The following ANKRD30A variants were observed in gnomAD, a reference collection of about 807,000 sequenced individuals.
ANKRD30A encodes the protein ankyrin repeat domain-containing protein 30A.
In ANKRD30A, 170 loss-of-function variants were observed where a neutral mutation model predicts 166.3. The observed-to-expected ratio is 1.02, with a 90% CI of 0.90 to 1.16. The LOEUF (loss-of-function observed/expected upper bound fraction) is 1.16. Among genes scored for constraint, ANKRD30A ranks in the 50% most tolerant of loss-of-function variants. ANKRD30A has a pLI of 0.00. For synonymous variants in ANKRD30A, 564 were observed against 508.9 expected (o/e 1.11, Z -1.46); for missense variants, 1,630 against 1,518.0 (o/e 1.07, Z -1.23).
chr10:37,219,604 G>A lies in ANKRD30A; in HGVS notation c.3892G>A (p.Ala1298Thr), dbSNP rs374582792. 1 of 1,610,240 alleles carries A rather than the reference G, an allele frequency of 6.2e-7. No homozygotes were observed. ...TGAAACACAGTGTCAAATGAAGGAA[G>A]CTGAACACATGTATCAAAACGAACA... is the stretch of plus-strand genomic sequence containing the variant. ...QRETQCQMKE[A>T]EHMYQNEQDN... Residue 1298 changes from alanine to threonine, a missense_variant, in exon 34 of 36, where the codon GCT (alanine) becomes ACT (threonine). Physicochemically the swap from Ala to Thr is moderately conservative, Grantham distance 58. Coordinates refer to ENST00000361713, the MANE Select transcript of ANKRD30A (RefSeq NM_052997.3).
intron 9 of ANKRD30A, among the ~76,000 whole-genome samples, chr10:37,149,003 C>T (rs1017174989): frequency 3.9e-5 from 6 of 151,942 alleles, no homozygotes; most frequent in Non-Finnish European, 7.4e-5. Flanking sequence ...TTTTTATATA[C>T]ATATGTCAAT....
At chr10:37,246,094 C>T in the ANKRD30A span, among the ~76,000 whole-genome samples, 1 of 152,168 alleles carries the variant, frequency 6.6e-6, no homozygotes, top group East Asian at 1.9e-4. Context: ...AAGTCATATT[C>T]AGGGAAAGAG....
chr10:37,127,046 CAAAAAAAAAAAAAAAAAAAAAAAA>C (rs71007622), intron 1 of ANKRD30A, among the ~76,000 whole-genome samples: 6 of 16,504 alleles, frequency 3.6e-4, no homozygotes, highest in Admixed American at 1.3e-3. Context: ...AACTCTGTCT[CAAAAAAAAAAAAAAAAAAAAAAAA>C]AAAAAAAAAA....
the ANKRD30A span, among the ~76,000 whole-genome samples, chr10:37,259,649 C>T: frequency 6.6e-6 from 1 of 152,154 alleles, no homozygotes. Context: ...CAATAAAATA[C>T]TATAGAGCAA....
At chr10:37,212,863 C>T (rs1842411024) in intron 31 of ANKRD30A, among the ~76,000 whole-genome samples, 1 of 151,654 alleles carries the variant, frequency 6.6e-6, no homozygotes, top group African/African-American at 2.4e-5. Context: ...TGTCAAAGAT[C>T]AGATGGTAAT....
Position 37,145,054 on chromosome 10 carries a change from CG to C in ANKRD30A, c.1455+1del. Reference sequence around the variant, plus strand: ...AGATGAAGAATATTCTTGTGATTCTCGGGTATTGTGTATTATTGATGTTATT... The same window carrying C: ...AGATGAAGAATATTCTTGTGATTCTCGGTATTGTGTATTATTGATGTTATT... ...EEDEEYSCDSRSLFESSAKIQ... is the reference protein window; with the variant it reads ...EEDEEYSCDSXSLFESSAKIQ... On this transcript the variant is annotated frameshift_variant and splice_region_variant, in exon 8 of 36. Coordinates refer to ENST00000361713, the MANE Select transcript of ANKRD30A (RefSeq NM_052997.3). LOFTEE classifies it high-confidence loss of function. The C allele has an allele frequency of 7.0e-7, 1 of 1,428,992 alleles. No homozygotes were observed. The highest frequency in any genetic ancestry group is 9.2e-7 in the Non-Finnish European group (1 of 1,082,774). 88.5% of individuals were successfully genotyped at this position (1,428,992 alleles called of 1,614,324 possible).
In ANKRD30A at chr10:37,149,854, A is replaced by G. The variant is rs1261930932; in HGVS notation, c.1645+5A>G. On this transcript the variant is annotated splice_donor_5th_base_variant and intron_variant, in intron 11 of 35. Transcript: ENST00000361713. Reference sequence around the variant, plus strand: ...ATGAACAAACATTGAGAGCAGGTAAATTTTTCAATTTAACTATGCAAAGAC... The same window carrying G: ...ATGAACAAACATTGAGAGCAGGTAAGTTTTTCAATTTAACTATGCAAAGAC... The G allele has an allele frequency of 1.2e-6, 2 of 1,612,394 alleles. No individual in the cohort carries two copies. Among genetic ancestry groups the G allele is most frequent in the South Asian group, 1.1e-5 (1 of 90,982 alleles).
rs199874591 is a variant in ANKRD30A at position 37,162,777 on chromosome 10, C to A, written c.1931C>A (p.Pro644His). 75 of 1,613,576 alleles carry A rather than the reference C, an allele frequency of 4.6e-5. No individual in the cohort carries two copies. Among genetic ancestry groups the A allele is most frequent in the Non-Finnish European group, 6.1e-5 (72 of 1,179,798 alleles). ...EPPGKPSAFE[P>H]ATEMQKSVPN... ...CATTTTGCTTCCAACCCCATTTAGC[C>A]TGCCACTGAAATGCAAAAGTCTGTC... The change falls in exon 17 of 36, where the codon CCT becomes CAT. Residue 644 changes from proline (P) to histidine (H), a missense_variant and splice_region_variant. By Grantham distance (77) the Pro-to-His change is moderately conservative. Transcript: ENST00000361713.
At chr10:37,143,567 T>G (rs1392387801) in intron 7 of ANKRD30A, among the ~76,000 whole-genome samples, 1 of 152,046 alleles carries the variant, frequency 6.6e-6, no homozygotes, top group Non-Finnish European at 1.5e-5. Context: ...GGCAGGAGAA[T>G]CACTTGAACC....
intron 27 of ANKRD30A, among the ~76,000 whole-genome samples, chr10:37,195,621 G>C (rs549919986): frequency 6.6e-6 from 1 of 152,162 alleles, no homozygotes; most frequent in Non-Finnish European, 1.5e-5. Context: ...GTGACCGGGT[G>C]CGGTGGCTCA....
intron 31 of ANKRD30A, among the ~76,000 whole-genome samples, chr10:37,202,200 G>T (rs986617351): frequency 5.3e-5 from 8 of 152,148 alleles, no homozygotes; most frequent in Non-Finnish European, 8.8e-5. Context: ...CAGCGGAGAA[G>T]AAGAAAGGGG....
chr10:37,232,685 TATATATATAAATAG>T (rs576803854), downstream of ANKRD30A: 7 of 5,266 alleles, frequency 1.3e-3, 1 homozygote, highest in Non-Finnish European at 6.6e-3. Context: ...TATATATATA[TATATATATAAATAG>T]AGAGAGAGAG....
intron 17 of ANKRD30A, among the ~76,000 whole-genome samples, 181 bp from the exon 18 acceptor site, chr10:37,164,913 G>A (rs781638884): frequency 2.0e-5 from 3 of 152,046 alleles, no homozygotes; most frequent in East Asian, 1.9e-4. Context: ...AATTGTCAGA[G>A]TTTTTAGATT....
the ANKRD30A span, among the ~76,000 whole-genome samples, chr10:37,244,145 C>A: frequency 6.6e-6 from 1 of 152,152 alleles, no homozygotes; most frequent in South Asian, 2.1e-4. Flanking sequence ...CTTCTCCTGG[C>A]AGTTTTGGGT....
At chr10:37,207,002 A>G (rs529264531) in intron 31 of ANKRD30A, among the ~76,000 whole-genome samples, 1 of 152,264 alleles carries the variant, frequency 6.6e-6, no homozygotes, top group South Asian at 2.1e-4. Context: ...TTCAATATTG[A>G]AAGTTTTTTA....
chr10:37,261,596 T>G, the ANKRD30A span, among the ~76,000 whole-genome samples: 2 of 152,222 alleles, frequency 1.3e-5, no homozygotes, highest in Admixed American at 1.3e-4. Flanking sequence ...ATTTTAATCT[T>G]CATAAAAATG....
chr10:37,148,488 T>G (rs1398458682), intron 9 of ANKRD30A, among the ~76,000 whole-genome samples: 1 of 152,084 alleles, frequency 6.6e-6, no homozygotes, highest in Non-Finnish European at 1.5e-5. Context: ...AAAAATTTTT[T>G]TAGCAGAGGC....
chr10:37,192,942 C>A, intron 25 of ANKRD30A, 122 bp from the exon 26 acceptor site: 4 of 1,462,856 alleles, frequency 2.7e-6, no homozygotes, highest in South Asian at 1.2e-5. Context: ...ACCCCAAAAG[C>A]TAGTGTAATC....
rs182554142 is a variant in ANKRD30A, at chr10:37,191,635, C to G, written c.2513-1429C>G. Among the ~76,000 whole-genome samples the G allele has an allele frequency of 1.3e-4, 20 of 152,082 alleles. No individual in the cohort carries two copies. The East Asian group carries it at 1.7e-3, about 13-fold the overall frequency. ...CAAAAATCATATATAAATGGTTGTACAATGTTGTTGTCATTCTACAGCAAC... is the reference window on the plus strand; with the variant it reads ...CAAAAATCATATATAAATGGTTGTAGAATGTTGTTGTCATTCTACAGCAAC... On this transcript the variant is annotated intron_variant, in intron 25 of 35. Transcript: ENST00000361713.
Sources: allele counts gnomAD v4.1 joint callset (sites outside exome capture counted in the v4.1 genomes callset), GRCh38; gene constraint gnomAD v4.1.1; transcripts MANE v1.5; gene names NCBI Gene and HGNC (gene_info 2026-07-23, HGNC 2026-07-21).